The following CWC27 variants were observed in gnomAD, a reference collection of about 807,000 sequenced individuals.
The protein encoded by CWC27 is spliceosome-associated protein CWC27 homolog.
CWC27 carries 47 observed loss-of-function variants against 63.6 expected under a neutral mutation model. The ratio of observed to expected loss-of-function variants is 0.74; its 90% CI spans 0.58 to 0.94. The LOEUF is 0.94. CWC27 is among the 40% of genes least tolerant of loss of function. The pLI is 0.00. For missense variants in CWC27, 495 were observed against 554.3 expected (o/e 0.89, Z 1.07); for synonymous variants, 175 against 179.8 (o/e 0.97, Z 0.22).
At chr5:64,871,990 C>T (rs1249748804) in intron 10 of CWC27, among the ~76,000 whole-genome samples, 1 of 152,088 alleles carries the variant, frequency 6.6e-6, no homozygotes, top group Non-Finnish European at 1.5e-5. Context: ...TGCATCATAA[C>T]AATAGTATCA....
At chr5:64,951,935 A>G (rs1283687340) in intron 11 of CWC27, among the ~76,000 whole-genome samples, 1 of 151,958 alleles carries the variant, frequency 6.6e-6, no homozygotes, top group African/African-American at 2.4e-5. Flanking sequence ...TATGACTCAT[A>G]TGTAGGTACT....
chr5:64,910,520 C>T (rs1678733348), intron 11 of CWC27, among the ~76,000 whole-genome samples: 2 of 152,250 alleles, frequency 1.3e-5, no homozygotes, highest in African/African-American at 2.4e-5. Context: ...GCAGAAGTTT[C>T]TGCTGCCTTT....
chr5:64,930,773 A>G (rs1163371757), intron 11 of CWC27, among the ~76,000 whole-genome samples: 1 of 152,142 alleles, frequency 6.6e-6, no homozygotes, highest in Non-Finnish European at 1.5e-5. Context: ...CAGAATTAAC[A>G]TCCACAATGA....
At chr5:64,927,713 T>C (rs2112398061) in intron 11 of CWC27, among the ~76,000 whole-genome samples, 1 of 152,286 alleles carries the variant, frequency 6.6e-6, no homozygotes, top group Non-Finnish European at 1.5e-5. Context: ...TTTTTATCCT[T>C]GTGTCTGTGT....
At chr5:64,954,384 G>A (rs543332368) in intron 11 of CWC27, among the ~76,000 whole-genome samples, 2 of 152,136 alleles carry the variant, frequency 1.3e-5, no homozygotes, top group Middle Eastern at 3.4e-3. Flanking sequence ...GTACTCCTGG[G>A]CTCAGGCGAT....
At chr5:64,921,141 A>G (rs1409907258) in intron 11 of CWC27, among the ~76,000 whole-genome samples, 1 of 152,032 alleles carries the variant, frequency 6.6e-6, no homozygotes, top group Non-Finnish European at 1.5e-5. Flanking sequence ...TTGTGTCTCT[A>G]TTTTCATTAG....
In CWC27 at chr5:64,783,980, G is replaced by T. The variant is rs570305367; in HGVS notation, c.396+1G>T. On this transcript the variant is annotated splice_donor_variant, in intron 4 of 13. Transcript: ENST00000381070. LOFTEE classifies it high-confidence loss of function. ...CAATAAGCATACCATCTTTGGAAAGGTTAGTGTCCAGTGATTTTAAACCTG... is the reference window on the plus strand; with the variant it reads ...CAATAAGCATACCATCTTTGGAAAGTTTAGTGTCCAGTGATTTTAAACCTG... The T allele has an allele frequency of 1.3e-6, 2 of 1,567,390 alleles. No homozygotes were observed. The highest frequency in any genetic ancestry group is 1.9e-5 in the Admixed American group (1 of 51,664).
intron 10 of CWC27, among the ~76,000 whole-genome samples, chr5:64,823,435 A>G (rs1248211521): frequency 2.0e-5 from 3 of 152,312 alleles, no homozygotes; most frequent in Non-Finnish European, 2.9e-5. Context: ...TGTAGTTCCA[A>G]TGAAGTAGAA....
At chr5:65,012,626 A>G (rs1043157445) in intron 13 of CWC27, among the ~76,000 whole-genome samples, 1 of 152,210 alleles carries the variant, frequency 6.6e-6, no homozygotes, top group Admixed American at 6.5e-5. Flanking sequence ...TGAATGAATA[A>G]TTGAGTCTAG....
At chr5:64,829,396 C>G (rs973171758) in intron 10 of CWC27, among the ~76,000 whole-genome samples, 1 of 151,788 alleles carries the variant, frequency 6.6e-6, no homozygotes, top group Non-Finnish European at 1.5e-5. Context: ...TTAATTTTTC[C>G]CCAATTTGAA....
chr5:64,830,676 A>G (rs1228999175), intron 10 of CWC27, among the ~76,000 whole-genome samples: 1 of 152,172 alleles, frequency 6.6e-6, no homozygotes, highest in African/African-American at 2.4e-5. Context: ...CAATCTACCC[A>G]TCTGACAAAG....
At chr5:64,894,577 A>G (rs1285968116) in intron 11 of CWC27, among the ~76,000 whole-genome samples, 1 of 152,178 alleles carries the variant, frequency 6.6e-6, no homozygotes, top group Non-Finnish European at 1.5e-5. Flanking sequence ...TATGTAATGG[A>G]ACACATCAAT....
intron 11 of CWC27, among the ~76,000 whole-genome samples, chr5:64,893,801 G>A (rs1240223484): frequency 1.3e-5 from 2 of 152,200 alleles, no homozygotes; most frequent in Non-Finnish European, 2.9e-5. Context: ...ATGTTAAAAT[G>A]TGAAAGTAAG....
At chr5:64,802,487 T>G (rs532042164) in intron 9 of CWC27, among the ~76,000 whole-genome samples, 1 of 152,254 alleles carries the variant, frequency 6.6e-6, no homozygotes, top group African/African-American at 2.4e-5. Context: ...AATTTTGCAT[T>G]TCAGGAAGAT....
chr5:64,802,970 AT>A (rs1294698958), intron 9 of CWC27, among the ~76,000 whole-genome samples: 1 of 151,990 alleles, frequency 6.6e-6, no homozygotes, highest in Non-Finnish European at 1.5e-5. Context: ...TTTGCAGGGA[AT>A]TTTTTTTAGA....
chr5:64,983,370 A>T (rs1054809958), intron 13 of CWC27, among the ~76,000 whole-genome samples: 1 of 152,182 alleles, frequency 6.6e-6, no homozygotes, highest in African/African-American at 2.4e-5. Context: ...TCTCTGAAAA[A>T]TTCCACTGTA....
At chr5:64,785,447 A>C (rs1743848676) in intron 4 of CWC27, 34 bp from the exon 5 acceptor site, 13 of 1,067,804 alleles carry the variant, frequency 1.2e-5, no homozygotes, top group Non-Finnish European at 1.6e-5. Context: ...TGAGTGCAAT[A>C]ATTTTCAATT....
chr5:64,945,754 T>C (rs993060356), intron 11 of CWC27, among the ~76,000 whole-genome samples: 2 of 152,194 alleles, frequency 1.3e-5, no homozygotes, highest in Non-Finnish European at 2.9e-5. Context: ...TAACAGTCAA[T>C]ATGAAGTATG....
chr5:64,789,078 A>G, intron 7 of CWC27, 58 bp downstream of exon 7: 1 of 1,195,478 alleles, frequency 8.4e-7, no homozygotes, highest in Non-Finnish European at 1.2e-6. Context: ...TCTATATCTT[A>G]CTCACTATTG....
Sources: allele counts gnomAD v4.1 joint callset (sites outside exome capture counted in the v4.1 genomes callset), GRCh38; gene constraint gnomAD v4.1.1; transcripts MANE v1.5; gene names NCBI Gene and HGNC (gene_info 2026-07-23, HGNC 2026-07-21).